COL11A1: variants seen among roughly 807,000 people sequenced by gnomAD.
The protein encoded by COL11A1 is collagen type XI alpha 1 chain.
A neutral mutation model predicts 265.2 loss-of-function variants in COL11A1; 74 were observed. The observed-to-expected ratio is 0.28, with a 90% CI of 0.23 to 0.34. The LOEUF (loss-of-function observed/expected upper bound fraction) is 0.34, where lower values mean the gene tolerates loss of function less well. Among genes scored for constraint, COL11A1 ranks in the 10% least tolerant of loss-of-function variants. The probability of loss-of-function intolerance (pLI) is 1.00; values close to 1 mark genes in which losing one functional copy is unlikely to be tolerated. For missense variants in COL11A1, 2,165 were observed against 2,263.6 expected, an observed-to-expected ratio of 0.96 and a Z score of 0.88; for synonymous variants, 816 against 727.6, an observed-to-expected ratio of 1.12 and a Z score of -1.96.
At chr1:102,911,919 C>T (rs1450722879) in intron 54 of COL11A1, among the ~76,000 whole-genome samples, 1 of 152,168 alleles carries the variant, frequency 6.6e-6, no homozygotes, top group East Asian at 1.9e-4. Flanking sequence ...GAGTTCTAAG[C>T]ACAGAGGAGT....
At chr1:102,910,795 T>A (rs12121251) in intron 54 of COL11A1, among the ~76,000 whole-genome samples, 13,945 of 152,140 alleles carry the variant, frequency 0.092, 743 homozygotes, top group Middle Eastern at 0.13. Flanking sequence ...ATAACTGGTG[T>A]AGCTGGGTTG....
chr1:103,068,099 C>T (rs116832647), intron 4 of COL11A1, among the ~76,000 whole-genome samples: 1,772 of 151,444 alleles, frequency 0.012, 43 homozygotes, highest in African/African-American at 0.04. Flanking sequence ...GTTTATGAAG[C>T]CAGTATAACC....
intron 30 of COL11A1, among the ~76,000 whole-genome samples, chr1:102,985,505 ATAAGTAAAATTATCT>A (rs1663448786): frequency 6.6e-6 from 1 of 152,122 alleles, no homozygotes; most frequent in East Asian, 1.9e-4. Flanking sequence ...CAATTTCAGG[ATAAGTAAAATTATCT>A]AATTCTGATC....
chr1:103,040,220 A>G (rs1668699137), intron 4 of COL11A1, among the ~76,000 whole-genome samples: 1 of 151,678 alleles, frequency 6.6e-6, no homozygotes, highest in South Asian at 2.1e-4. Flanking sequence ...AAAATGCTAG[A>G]AAAACATACC....
In COL11A1 at chr1:103,054,744, T is replaced by A. The variant is rs549790565; in HGVS notation, c.651+19874A>T. ...TGGTAAAACCTTGTCTCTACTAAAATTACAAAATTAGCCAGGCATGGTGGT... is the reference window on the plus strand; with the variant it reads ...TGGTAAAACCTTGTCTCTACTAAAAATACAAAATTAGCCAGGCATGGTGGT... On this transcript the variant is annotated intron_variant, in intron 4 of 66. Transcript: ENST00000370096. 1.3e-4 allele frequency among the ~76,000 whole-genome samples: 20 copies of A among 151,768 alleles called. No homozygotes were observed. In the East Asian group the frequency reaches 1.4e-3, roughly 10 times the overall value.
chr1:103,008,617 T>C, intron 14 of COL11A1, 101 bp from the exon 15 acceptor site: 1 of 990,194 alleles, frequency 1.0e-6, no homozygotes, highest in Non-Finnish European at 1.6e-6. Context: ...ATTCAAAATA[T>C]ATTTAATCAT....
At chr1:103,068,735 C>T (rs947583917) in intron 4 of COL11A1, among the ~76,000 whole-genome samples, 1 of 150,632 alleles carries the variant, frequency 6.6e-6, no homozygotes, top group Non-Finnish European at 1.5e-5. Flanking sequence ...TTTAACAAGG[C>T]TATAGGATAC....
At chr1:102,942,542 A>G (rs1313357358) in intron 42 of COL11A1, among the ~76,000 whole-genome samples, 1 of 139,050 alleles carries the variant, frequency 7.2e-6, no homozygotes, top group Non-Finnish European at 1.6e-5. Context: ...TCTTTATTTC[A>G]CCACTTCTAA....
At chr1:103,053,546 A>G (rs1268040533) in intron 4 of COL11A1, among the ~76,000 whole-genome samples, 1 of 152,152 alleles carries the variant, frequency 6.6e-6, no homozygotes, top group Non-Finnish European at 1.5e-5. Context: ...GTTTTTCACT[A>G]CACTTGACAG....
intron 5 of COL11A1, among the ~76,000 whole-genome samples, chr1:103,029,307 G>A (rs1014277889): frequency 1.3e-5 from 2 of 151,846 alleles, no homozygotes; most frequent in African/African-American, 4.8e-5. Flanking sequence ...GCTCCATATT[G>A]CACTTTATGT....
At chr1:103,102,395 T>A (rs1327127226) in intron 1 of COL11A1, among the ~76,000 whole-genome samples, 1 of 152,034 alleles carries the variant, frequency 6.6e-6, no homozygotes, top group Non-Finnish European at 1.5e-5. Flanking sequence ...CAACTTTTTA[T>A]AACATCAGCG....
intron 28 of COL11A1, among the ~76,000 whole-genome samples, chr1:102,994,236 A>G (rs1664408231): frequency 6.6e-6 from 1 of 152,076 alleles, no homozygotes; most frequent in Non-Finnish European, 1.5e-5. Context: ...TTGGATATTT[A>G]CCCACCCAAA....
chr1:103,004,378 T>A, intron 20 of COL11A1, 66 bp downstream of exon 20: 2 of 1,154,224 alleles, frequency 1.7e-6, no homozygotes, highest in South Asian at 1.3e-5. Flanking sequence ...TTTTTATATG[T>A]GTAACACCAG....
chr1:102,967,224 A>ATTTTTTT (rs1557882148), intron 37 of COL11A1, among the ~76,000 whole-genome samples: 49 of 41,240 alleles, frequency 1.2e-3, no homozygotes, highest in East Asian at 3.1e-3. Flanking sequence ...AACATAATAA[A>ATTTTTTT]TTCTTTTTTT....
At chr1:103,080,967 A>ATT (rs1672367802) in intron 2 of COL11A1, among the ~76,000 whole-genome samples, 1 of 151,854 alleles carries the variant, frequency 6.6e-6, no homozygotes, top group Non-Finnish European at 1.5e-5. Context: ...TATTCATAAT[A>ATT]GCCAATATAT....
intron 2 of COL11A1, among the ~76,000 whole-genome samples, chr1:103,081,458 G>A (rs1266871443): frequency 6.6e-6 from 1 of 151,400 alleles, no homozygotes; most frequent in Admixed American, 6.6e-5. Flanking sequence ...ATGTTTTATG[G>A]ATTTAATAAT....
intron 36 of COL11A1, among the ~76,000 whole-genome samples, chr1:102,973,644 G>A (rs1029132787): frequency 7.2e-5 from 11 of 152,060 alleles, no homozygotes; most frequent in African/African-American, 2.7e-4. Context: ...TACATTTGGA[G>A]CAAAACTGAC....
intron 1 of COL11A1, among the ~76,000 whole-genome samples, chr1:103,084,623 T>C (rs1460230103): frequency 6.6e-6 from 1 of 152,186 alleles, no homozygotes; most frequent in East Asian, 1.9e-4. Flanking sequence ...CTTTATCTTT[T>C]TTAGATCTTC....
intron 50 of COL11A1, 96 bp downstream of exon 50, chr1:102,915,535 T>C: frequency 9.3e-7 from 1 of 1,071,738 alleles, no homozygotes; most frequent in Non-Finnish European, 1.5e-6. Context: ...GAAAGTAAAA[T>C]TCGAACCACA....
Sources: allele counts gnomAD v4.1 joint callset (sites outside exome capture counted in the v4.1 genomes callset), GRCh38; gene constraint gnomAD v4.1.1; transcripts MANE v1.5; gene names NCBI Gene and HGNC (gene_info 2026-07-23, HGNC 2026-07-21).